Variants in CCDC192 observed in about 807,000 individuals in gnomAD.
CCDC192 encodes coiled-coil domain-containing protein 192.
chr5:127,838,119 C>T (rs2127057647), intron 5 of CCDC192, among the ~76,000 whole-genome samples: 1 of 152,290 alleles, frequency 6.6e-6, no homozygotes, highest in East Asian at 1.9e-4. Flanking sequence ...GGTAAGCAAT[C>T]CTGTTCAGTC....
intron 6 of CCDC192, among the ~76,000 whole-genome samples, chr5:127,877,619 G>A (rs1752134684): frequency 1.3e-5 from 2 of 152,106 alleles, no homozygotes; most frequent in Non-Finnish European, 2.9e-5. Context: ...AATAGTCCGG[G>A]AGGTTGTCAA....
At chr5:127,876,793 C>A (rs1397869985) in intron 6 of CCDC192, among the ~76,000 whole-genome samples, 2 of 152,182 alleles carry the variant, frequency 1.3e-5, no homozygotes, top group Non-Finnish European at 2.9e-5. Context: ...CAGCACCTGA[C>A]TACATGGTAA....
intron 5 of CCDC192, among the ~76,000 whole-genome samples, chr5:127,863,626 G>T (rs182327584): frequency 4.6e-5 from 7 of 152,244 alleles, no homozygotes; most frequent in Admixed American, 3.9e-4. Context: ...GAAATTGGTT[G>T]CACAACAATG....
At chr5:127,859,516 GA>G (rs1751265292) in intron 5 of CCDC192, among the ~76,000 whole-genome samples, 1 of 149,612 alleles carries the variant, frequency 6.7e-6, no homozygotes, top group Non-Finnish European at 1.5e-5. Flanking sequence ...CAATCTCTAG[GA>G]ACAGGACCCA....
chr5:127,773,806 A>C (rs1226879943), intron 3 of CCDC192, among the ~76,000 whole-genome samples: 1 of 152,174 alleles, frequency 6.6e-6, no homozygotes, highest in Non-Finnish European at 1.5e-5. Flanking sequence ...ATCACATGGT[A>C]ATTCTAGGAT....
intron 2 of CCDC192, among the ~76,000 whole-genome samples, chr5:127,736,477 T>C (rs1753000270): frequency 6.6e-6 from 1 of 151,972 alleles, no homozygotes; most frequent in Non-Finnish European, 1.5e-5. Context: ...TCTTTTTCTA[T>C]TGATTGGAAT....
chr5:127,870,938 T>G (rs1355989259), intron 5 of CCDC192, among the ~76,000 whole-genome samples: 1 of 152,270 alleles, frequency 6.6e-6, no homozygotes, highest in Non-Finnish European at 1.5e-5. Context: ...TTCTCTTTTA[T>G]GTCTTCAATA....
In CCDC192 at chr5:127,739,241, C is replaced by T. The variant is rs562582560; in HGVS notation, c.115-15027C>T. 2.8e-4 allele frequency among the ~76,000 whole-genome samples: 42 copies of T among 152,026 alleles called. No homozygotes were observed. In the South Asian group the frequency reaches 5.8e-3, roughly 21 times the overall value. On this transcript the variant is annotated intron_variant, in intron 2 of 6. Transcript: ENST00000514853. ...GGGGGTGCCTCCCAGTTAGGCTGCCCGGGGGTCAGGGGTCAGGGACCCACT... is the reference window on the plus strand; with the variant it reads ...GGGGGTGCCTCCCAGTTAGGCTGCCTGGGGGTCAGGGGTCAGGGACCCACT...
In CCDC192 at chr5:127,776,017, A is replaced by T. The variant is rs187052523; in HGVS notation, c.223-21086A>T. ...ATGTCTTTATTAGCAGCATGAGTAC[A>T]GACTAATACAGTAAATTGCTACCAT... On this transcript the variant is annotated intron_variant, in intron 3 of 6. Transcript: ENST00000514853. Among the ~76,000 whole-genome samples the T allele has an allele frequency of 5.5e-4, 84 of 152,348 alleles. 1 individual carries two copies. Among genetic ancestry groups the T allele is most frequent in the African/African-American group, 1.4e-3 (57 of 41,566 alleles).
intron 5 of CCDC192, among the ~76,000 whole-genome samples, chr5:127,868,715 C>G (rs1158549541): frequency 3.3e-5 from 5 of 152,008 alleles, no homozygotes; most frequent in Admixed American, 3.3e-4. Flanking sequence ...GAAACCCAGT[C>G]TCTACCAAAA....
rs550185260 is a variant in CCDC192, at chr5:127,796,162, G to A, written c.223-941G>A. On this transcript the variant is annotated intron_variant, in intron 3 of 6. Transcript: ENST00000514853. Reference sequence around the variant, plus strand: ...TATGATATGCCAGTATATCTGATGGGCCAGTATAGATAATGTGCTTATTTC... The same window carrying A: ...TATGATATGCCAGTATATCTGATGGACCAGTATAGATAATGTGCTTATTTC... 3.2e-4 allele frequency among the ~76,000 whole-genome samples: 48 copies of A among 152,286 alleles called. No individual in the cohort carries two copies. In the South Asian group the frequency reaches 9.3e-3, roughly 30 times the overall value.
intron 4 of CCDC192, among the ~76,000 whole-genome samples, chr5:127,797,715 A>G (rs1184384202): frequency 1.4e-5 from 2 of 144,316 alleles, no homozygotes; most frequent in African/African-American, 2.6e-5. Flanking sequence ...ATATATGGAT[A>G]TGATTTCATG....
intron 3 of CCDC192, among the ~76,000 whole-genome samples, chr5:127,795,468 A>G (rs779675591): frequency 1.3e-5 from 2 of 152,148 alleles, no homozygotes; most frequent in Admixed American, 6.5e-5. Flanking sequence ...CTCAAAACCA[A>G]CTGTTGAGAT....
chr5:127,831,229 G>A (rs1406075543), intron 5 of CCDC192, among the ~76,000 whole-genome samples: 1 of 151,744 alleles, frequency 6.6e-6, no homozygotes, highest in Non-Finnish European at 1.5e-5. Context: ...ATCAAGAAAA[G>A]CTATATTTTT....
At chr5:127,761,008 C>T (rs768401730) in intron 3 of CCDC192, among the ~76,000 whole-genome samples, 3 of 152,216 alleles carry the variant, frequency 2.0e-5, no homozygotes, top group Admixed American at 6.5e-5. Context: ...GAGGCAAAAA[C>T]GCAAAAGAAA....
chr5:127,920,347 GATC>G (rs1753672182), intron 6 of CCDC192, among the ~76,000 whole-genome samples: 1 of 149,892 alleles, frequency 6.7e-6, no homozygotes, highest in Admixed American at 6.6e-5. Flanking sequence ...CAATGATGAT[GATC>G]ATCATTATGA....
At chr5:127,855,343 T>C (rs954941133) in intron 5 of CCDC192, among the ~76,000 whole-genome samples, 7 of 152,238 alleles carry the variant, frequency 4.6e-5, no homozygotes, top group Admixed American at 6.5e-5. Context: ...AACTCATTCA[T>C]TCAAGTTTTA....
chr5:127,930,556 C>G (rs940161114), intron 6 of CCDC192, among the ~76,000 whole-genome samples: 1 of 152,196 alleles, frequency 6.6e-6, no homozygotes, highest in African/African-American at 2.4e-5. Context: ...AAGAGAGATT[C>G]CAGAAACCCT....
intron 6 of CCDC192, among the ~76,000 whole-genome samples, chr5:127,904,149 G>C (rs1247294453): frequency 6.6e-6 from 1 of 152,190 alleles, no homozygotes; most frequent in South Asian, 2.1e-4. Flanking sequence ...TGTCTTTGAG[G>C]ATAGAGAAAG....
Sources: gnomAD v4.1 joint callset for allele counts (sites outside exome capture counted in the v4.1 genomes callset) on GRCh38, gnomAD v4.1.1 for gene constraint, MANE v1.5 for transcripts, NCBI Gene and HGNC (gene_info 2026-07-23, HGNC 2026-07-21) for gene names.